The following SPATA2 variants were observed in gnomAD, a reference collection of about 807,000 sequenced individuals.
SPATA2 encodes spermatogenesis-associated protein 2.
A neutral mutation model predicts 35.4 loss-of-function variants in SPATA2; 8 were observed. That is an observed-to-expected ratio of 0.23 (90% CI 0.13 to 0.41). The LOEUF is 0.41. Among genes scored for constraint, SPATA2 ranks in the 10% least tolerant of loss-of-function variants. The probability of loss-of-function intolerance (pLI) is 1.00; values close to 1 mark genes in which losing one functional copy is unlikely to be tolerated. For synonymous variants in SPATA2, 293 were observed against 300.9 expected (o/e 0.97, Z 0.27); for missense variants, 650 against 698.7 (o/e 0.93, Z 0.79).
chr20:49,911,018 C>T (rs1255598601), intron 1 of SPATA2, among the ~76,000 whole-genome samples: 1 of 152,166 alleles, frequency 6.6e-6, no homozygotes, highest in Non-Finnish European at 1.5e-5. Context: ...AGTTCGAGAC[C>T]AGCCTGGGCA....
Position 49,906,781 on chromosome 20 carries a change from A to G in SPATA2, c.401T>C (p.Ile134Thr). The G allele has an allele frequency of 6.2e-7, 1 of 1,613,464 alleles. No homozygotes were observed. The highest frequency in any genetic ancestry group is 8.5e-7 in the Non-Finnish European group (1 of 1,179,666). Residue 134 changes from isoleucine (I) to threonine (T), a missense_variant, in exon 3 of 3, where the codon ATC (isoleucine) becomes ACC (threonine). Coordinates refer to ENST00000289431, the MANE Select transcript of SPATA2 (RefSeq NM_006038.4). The surrounding 1 kb of genome is among the most constrained non-coding windows in gnomAD (Gnocchi z 8.2). ...STLLEEDIRA[I>T]LSCMGYTPEL... ...AGGTGTGTAGCCCATGCAGCTCAGG[A>G]TGGCTCGGATGTCCTCTTCCAGTAA...
rs748462674 is a variant in SPATA2, at chr20:49,905,670, G to C, written c.1512C>G (p.Asn504Lys). The change falls in exon 3 of 3, where the codon AAC becomes AAG. Residue 504 changes from asparagine to lysine, a missense_variant. Transcript: ENST00000289431. ...GGGTGGACTTGTAGTTCAGCTGGTT[G>C]TTGGGCATGAACTTGTGCAGCTCAC... The part of the protein sequence containing the change: ...KKSELHKFMP[N>K]NQLNYKSTQL... The C allele has an allele frequency of 1.7e-5, 27 of 1,614,132 alleles. No individual in the cohort carries two copies. The highest frequency in any genetic ancestry group is 7.7e-5 in the South Asian group (7 of 91,092).
Position 49,908,569 on chromosome 20 carries a change from T to G in SPATA2, c.-79A>C, listed in dbSNP as rs1209766766. 8.2e-7 allele frequency: 1 copy of G among 1,215,732 alleles called. No individual in the cohort carries two copies. The highest frequency in any genetic ancestry group is 1.2e-6 in the Non-Finnish European group (1 of 862,330). 75.3% of individuals were successfully genotyped at this position (1,215,732 alleles called of 1,614,324 possible). ...GACATCACTAAAAGCATGGACATGT[T>G]GCCGCCTGGACCAGCGGAGTGCTCT... On this transcript the variant is annotated 5_prime_UTR_variant, in exon 2 of 3. Coordinates refer to ENST00000289431, the MANE Select transcript of SPATA2 (RefSeq NM_006038.4).
At position 49,906,992 on chromosome 20, in the gene SPATA2, C is replaced by A; in HGVS notation, c.337-147G>T. On this transcript the variant is annotated intron_variant, in intron 2 of 2. Coordinates refer to ENST00000289431, the MANE Select transcript of SPATA2 (RefSeq NM_006038.4). The surrounding 1 kb of genome is among the most constrained non-coding windows in gnomAD (Gnocchi z 8.2). The stretch of plus-strand genomic sequence containing the variant: ...GAAGGATCTCGACAGCCTCACCCTG[C>A]GGGAGGCAGAAGACGCAGGAGCTGG... 3.6e-6 allele frequency: 3 copies of A among 842,616 alleles called. No individual in the cohort carries two copies. Among genetic ancestry groups the A allele is most frequent in the East Asian group, 5.3e-5 (2 of 37,422 alleles). 52.2% of individuals were successfully genotyped at this position (842,616 alleles called of 1,614,324 possible).
Position 49,908,441 on chromosome 20 carries a change from C to T in SPATA2, c.50G>A (p.Arg17Gln), listed in dbSNP as rs541511771. The stretch of plus-strand genomic sequence containing the variant: ...GCTCTCATGGAACTGCACGTACTTC[C>T]GAAATAAGTCATCCTTGAATTTAGT... ...MDTKFKDDLF[R>Q]KYVQFHESKV... Residue 17 changes from arginine to glutamine, a missense_variant, in exon 2 of 3, where the codon CGG (arginine) becomes CAG (glutamine). Coordinates refer to ENST00000289431, the MANE Select transcript of SPATA2 (RefSeq NM_006038.4). 1.0e-5 allele frequency: 16 copies of T among 1,606,472 alleles called. No individual in the cohort carries two copies. The highest frequency in any genetic ancestry group is 7.7e-5 in the South Asian group (7 of 90,968).
In SPATA2 at chr20:49,904,244, A is replaced by G. The variant is rs886305178; in HGVS notation, c.*1375T>C. 1.3e-5 allele frequency: 2 copies of G among 152,410 alleles called. No homozygotes were observed. The highest frequency in any genetic ancestry group is 2.9e-5 in the Non-Finnish European group (2 of 67,998). 9.4% of individuals were successfully genotyped at this position (152,410 alleles called of 1,614,324 possible). A position where few individuals can be genotyped will look rare whatever the true frequency, so the allele number is the denominator to read the frequency against. On this transcript the variant is annotated 3_prime_UTR_variant, in exon 3 of 3. Transcript: ENST00000289431. ...AGGAAAATCCAGGGGTTGGTAATTC[A>G]CATGAGAAGCTGAAGGGGCCTTCAG... is the stretch of plus-strand genomic sequence containing the variant.
intron 1 of SPATA2, among the ~76,000 whole-genome samples, chr20:49,914,030 GAAAAA>G (rs76188301): frequency 4.2e-5 from 6 of 142,618 alleles, no homozygotes; most frequent in East Asian, 2.0e-4. Flanking sequence ...CAGTCTGGTG[GAAAAA>G]AAAAAAAAAA....
intron 1 of SPATA2, among the ~76,000 whole-genome samples, chr20:49,914,041 A>AC (rs1466915058): frequency 3.3e-5 from 5 of 152,052 alleles, no homozygotes; most frequent in Admixed American, 2.6e-4. Flanking sequence ...AAAAAAAAAA[A>AC]AAAAAAAACC....
intron 1 of SPATA2, chr20:49,913,726 T>C (rs1019558224): frequency 2.6e-5 from 4 of 152,196 alleles, no homozygotes; most frequent in Non-Finnish European, 5.9e-5. Context: ...CTAATCTCTA[T>C]ATGATGTAAG....
In SPATA2 at chr20:49,904,122, G is replaced by A. The variant is rs999984545; in HGVS notation, c.*1497C>T. On this transcript the variant is annotated 3_prime_UTR_variant, in exon 3 of 3. Transcript: ENST00000289431. ...CTGCATATAAATCCCTTAACATTGT[G>A]TACATCACAAACAGTTATGGCTAAA... The A allele has an allele frequency of 7.9e-5, 12 of 152,278 alleles. No individual in the cohort carries two copies. The highest frequency in any genetic ancestry group is 2.4e-4 in the African/African-American group (10 of 41,304). 9.4% of individuals were successfully genotyped at this position (152,278 alleles called of 1,614,324 possible).
At position 49,906,363 on chromosome 20, in the gene SPATA2, A is replaced by G. The variant is rs1411736958; in HGVS notation, c.819T>C (p.Ser273=). 1 of 1,613,568 alleles carries G rather than the reference A, an allele frequency of 6.2e-7. No individual in the cohort carries two copies. The highest frequency in any genetic ancestry group is 8.5e-7 in the Non-Finnish European group (1 of 1,179,794). Residue 273 remains serine, a synonymous_variant, in exon 3 of 3, where the codon AGT becomes AGC. Transcript: ENST00000289431. This position sits in a 1 kb window ranked among gnomAD's most constrained non-coding sequence, Gnocchi z 8.2. ...SRKPPLKASL[S]LRKEPVATDV... is the part of the protein sequence containing the mutation. ...CCGTTGCCACAGGCTCCTTCCGAAGACTCAATGAGGCCTTCAGGGGTGGCT... is the reference window on the plus strand; with the variant it reads ...CCGTTGCCACAGGCTCCTTCCGAAGGCTCAATGAGGCCTTCAGGGGTGGCT...
In SPATA2 at chr20:49,908,525, C is replaced by G. The variant is rs780607648; in HGVS notation, c.-35G>C. 3.9e-5 allele frequency: 59 copies of G among 1,527,864 alleles called. No homozygotes were observed. Among genetic ancestry groups the G allele is most frequent in the Non-Finnish European group, 3.5e-5 (39 of 1,123,126 alleles). The allele number at this position is 1,527,864 out of a possible 1,614,324, so 94.6% of individuals were successfully genotyped here. A position where few individuals can be genotyped will look rare whatever the true frequency, so the allele number is the denominator to read the frequency against. The stretch of plus-strand genomic sequence containing the variant: ...GGGGGCTACCTTATCTCCTCCATGG[C>G]TTCTGGATTAGAGGCAGGGACATCA... On this transcript the variant is annotated 5_prime_UTR_variant, in exon 2 of 3. Transcript: ENST00000289431.
rs1042299634 is a variant in SPATA2, at chr20:49,905,578, C to G, written c.*41G>C. The G allele has an allele frequency of 1.3e-6, 2 of 1,599,764 alleles. No individual in the cohort carries two copies. Among genetic ancestry groups the G allele is most frequent in the Middle Eastern group, 3.4e-4 (2 of 5,800 alleles). On this transcript the variant is annotated 3_prime_UTR_variant, in exon 3 of 3. Coordinates refer to ENST00000289431, the MANE Select transcript of SPATA2 (RefSeq NM_006038.4). ...TTCTTCACCGTGAAACCCGAAAGGT[C>G]GGTTGATGTAGCCCTTGGAGCTGGA...
chr20:49,903,896 C>CAGATAGATAGAT lies in SPATA2; in HGVS notation c.*1722_*1723insATCTATCTATCT, dbSNP rs1195528869. ...CACTGTACATCTACATGTGATCTAC[C>CAGATAGATAGAT]AGATAGATATATATATATATATATA... On this transcript the variant is annotated 3_prime_UTR_variant, in exon 3 of 3. Transcript: ENST00000289431. The CAGATAGATAGAT allele has an allele frequency of 1.2e-5, 1 of 83,260 alleles. No homozygotes were observed. The highest frequency in any genetic ancestry group is 2.2e-5 in the Non-Finnish European group (1 of 46,066). The allele number at this position is 83,260 out of a possible 1,614,324, so 5.2% of individuals were successfully genotyped here.
Position 49,903,904 on chromosome 20 carries a change from TA to T in SPATA2, c.*1714del, listed in dbSNP as rs1277264310. On this transcript the variant is annotated 3_prime_UTR_variant, in exon 3 of 3. Transcript: ENST00000289431. ...ATCTACATGTGATCTACCAGATAGA[TA>T]TATATATATATATATATATATATAT... 2 of 11,312 alleles carry T rather than the reference TA, an allele frequency of 1.8e-4. No homozygotes were observed. Among genetic ancestry groups the T allele is most frequent in the Non-Finnish European group, 3.5e-4 (2 of 5,698 alleles). The allele number at this position is 11,312 out of a possible 1,614,324, so 0.7% of individuals were successfully genotyped here. A position where few individuals can be genotyped will look rare whatever the true frequency, so the allele number is the denominator to read the frequency against.
chr20:49,910,880 C>T (rs2090178829), intron 1 of SPATA2, among the ~76,000 whole-genome samples: 2 of 152,202 alleles, frequency 1.3e-5, no homozygotes, highest in Admixed American at 6.5e-5. Flanking sequence ...GAGCCCAGTG[C>T]TACAGTGACA....
chr20:49,905,423 A>G lies in SPATA2; in HGVS notation c.*196T>C. On this transcript the variant is annotated 3_prime_UTR_variant, in exon 3 of 3. Coordinates refer to ENST00000289431, the MANE Select transcript of SPATA2 (RefSeq NM_006038.4). ...AGTGCCACCTTCTCCCTTGTCAGAC[A>G]ACAAAGCAGCCATTGGTTGAGATAT... 1.7e-6 allele frequency: 1 copy of G among 601,012 alleles called. No individual in the cohort carries two copies. The highest frequency in any genetic ancestry group is 2.9e-6 in the Non-Finnish European group (1 of 340,370). The allele number at this position is 601,012 out of a possible 1,614,324, so 37.2% of individuals were successfully genotyped here.
intron 1 of SPATA2, among the ~76,000 whole-genome samples, chr20:49,913,015 G>A (rs1045201637): frequency 6.6e-6 from 1 of 151,982 alleles, no homozygotes; most frequent in Non-Finnish European, 1.5e-5. Context: ...AGTCTGAGGT[G>A]GGGGGATCCA....
At chr20:49,913,022 T>C (rs2090190122) in intron 1 of SPATA2, among the ~76,000 whole-genome samples, 1 of 151,318 alleles carries the variant, frequency 6.6e-6, no homozygotes, top group Non-Finnish European at 1.5e-5. Flanking sequence ...GGTGGGGGGA[T>C]CCACTGAGCC....
Sources: gnomAD v4.1 joint callset for allele counts (sites outside exome capture counted in the v4.1 genomes callset) on GRCh38, gnomAD v4.1.1 for gene constraint, Gnocchi (gnomAD v3.1) non-coding constraint, MANE v1.5 for transcripts, NCBI Gene and HGNC (gene_info 2026-07-23, HGNC 2026-07-21) for gene names.